The following DPP10 variants were observed in gnomAD, a reference collection of about 807,000 sequenced individuals.
The protein encoded by DPP10 is inactive dipeptidyl peptidase 10.
A neutral mutation model predicts 120.9 loss-of-function variants in DPP10; 33 were observed. The observed-to-expected ratio is 0.27, with a 90% CI of 0.21 to 0.37. The LOEUF (loss-of-function observed/expected upper bound fraction) is 0.37, where lower values mean the gene tolerates loss of function less well. Among genes scored for constraint, DPP10 ranks in the 10% least tolerant of loss-of-function variants. The pLI is 1.00. For synonymous variants in DPP10, 337 were observed against 326.1 expected (o/e 1.03, Z -0.36); for missense variants, 816 against 942.8 (o/e 0.87, Z 1.76).
At chr2:115,321,013 T>G (rs192768785) in intron 2 of DPP10, among the ~76,000 whole-genome samples, 9 of 152,248 alleles carry the variant, frequency 5.9e-5, no homozygotes, top group Non-Finnish European at 8.8e-5. Context: ...GAAAGCTCTG[T>G]TCTTGGCTGG....
chr2:114,781,472 A>G (rs1046483871), intron 1 of DPP10, among the ~76,000 whole-genome samples: 1 of 152,030 alleles, frequency 6.6e-6, no homozygotes, highest in African/African-American at 2.4e-5. Context: ...AGAGGGGCAC[A>G]GATAGATCCA....
intron 23 of DPP10, 23 bp downstream of exon 23, chr2:115,836,588 A>C: frequency 6.2e-7 from 1 of 1,612,072 alleles, no homozygotes; most frequent in Admixed American, 1.7e-5. Flanking sequence ...AAAATAACAA[A>C]GAAAGAGGAG....
chr2:114,940,332 G>A (rs761106022), intron 1 of DPP10, among the ~76,000 whole-genome samples: 2 of 152,032 alleles, frequency 1.3e-5, no homozygotes, highest in African/African-American at 2.4e-5. Flanking sequence ...GTTATGTTCC[G>A]ATTGCTACAG....
chr2:114,739,595 G>A (rs770137692), intron 1 of DPP10, among the ~76,000 whole-genome samples: 9 of 152,094 alleles, frequency 5.9e-5, no homozygotes, highest in Non-Finnish European at 1.3e-4. Flanking sequence ...GGAGGTAGAG[G>A]TTGCAGTGAG....
intron 1 of DPP10, among the ~76,000 whole-genome samples, chr2:114,709,057 C>T (rs553199744): frequency 3.9e-4 from 60 of 152,210 alleles, no homozygotes; most frequent in Admixed American, 6.5e-4. Context: ...CGCCCAGCCC[C>T]ATTGCTTACT....
At chr2:114,899,853 G>T (rs992833170) in intron 1 of DPP10, among the ~76,000 whole-genome samples, 4 of 152,086 alleles carry the variant, frequency 2.6e-5, no homozygotes, top group Admixed American at 1.3e-4. Flanking sequence ...CCAGCTACTC[G>T]GGAGGCTGAG....
intron 1 of DPP10, among the ~76,000 whole-genome samples, chr2:114,700,770 A>G (rs1054635452): frequency 1.3e-5 from 2 of 152,068 alleles, no homozygotes; most frequent in Admixed American, 6.6e-5. Context: ...CTTTTGTACC[A>G]TAAACGTCCC....
intron 1 of DPP10, among the ~76,000 whole-genome samples, chr2:114,518,103 G>A (rs543758614): frequency 1.0e-4 from 12 of 115,534 alleles, no homozygotes; most frequent in African/African-American, 3.7e-4. Flanking sequence ...TTTTTAGATA[G>A]AGTCCTGCTC....
At chr2:115,450,463 T>C (rs1427158103) in intron 3 of DPP10, among the ~76,000 whole-genome samples, 1 of 151,916 alleles carries the variant, frequency 6.6e-6, no homozygotes, top group Non-Finnish European at 1.5e-5. Context: ...TCAACTGAGA[T>C]TTTTTTATTG....
At chr2:114,912,762 A>G (rs1694466864) in intron 1 of DPP10, among the ~76,000 whole-genome samples, 1 of 152,216 alleles carries the variant, frequency 6.6e-6, no homozygotes, top group African/African-American at 2.4e-5. Context: ...GCCCCCTCTC[A>G]TCACAGACCT....
chr2:115,336,186 A>G (rs1055553089), intron 2 of DPP10, among the ~76,000 whole-genome samples: 1 of 151,988 alleles, frequency 6.6e-6, no homozygotes, highest in Non-Finnish European at 1.5e-5. Flanking sequence ...AACTCATTTC[A>G]AAGGCCATTT....
chr2:114,938,462 C>G lies in DPP10; in HGVS notation c.61-370777C>G, dbSNP rs1696647456. 2.0e-5 allele frequency among the ~76,000 whole-genome samples: 3 copies of G among 152,128 alleles called. No homozygotes were observed. In the South Asian group the frequency reaches 6.2e-4, roughly 32 times the overall value. On this transcript the variant is annotated intron_variant, in intron 1 of 25. Coordinates refer to ENST00000410059, the MANE Select transcript of DPP10 (RefSeq NM_020868.6). ...AACATACAACTCTTTGTCAAGTAACCAGAAGTGGATTACTGAGTTAATAGA... is the reference window on the plus strand; with the variant it reads ...AACATACAACTCTTTGTCAAGTAACGAGAAGTGGATTACTGAGTTAATAGA...
intron 1 of DPP10, among the ~76,000 whole-genome samples, chr2:115,273,855 G>A (rs72839290): frequency 0.016 from 2,369 of 152,216 alleles, 36 homozygotes; most frequent in Non-Finnish European, 0.024. Context: ...AACTGTTTTG[G>A]GTAGAACGCT....
rs566474229 is a variant in DPP10 at position 115,754,630 on chromosome 2, G to A, written c.1074+1333G>A. 2.6e-5 allele frequency among the ~76,000 whole-genome samples: 4 copies of A among 152,130 alleles called. No individual in the cohort carries two copies. In the South Asian group the frequency reaches 8.3e-4, roughly 32 times the overall value. On this transcript the variant is annotated intron_variant, in intron 11 of 25. Coordinates refer to ENST00000410059, the MANE Select transcript of DPP10 (RefSeq NM_020868.6). ...CTAGGACAAAGTGTACATTTTTAAA[G>A]GGGAAATTACAATTGATAAAGACTA...
chr2:114,703,859 CTGTT>C (rs1700528164), intron 1 of DPP10, among the ~76,000 whole-genome samples: 2 of 152,086 alleles, frequency 1.3e-5, no homozygotes, highest in South Asian at 2.1e-4. Context: ...CTCAAACACA[CTGTT>C]TGGGCTGTAA....
At chr2:115,511,511 G>T (rs1575059229) in intron 4 of DPP10, among the ~76,000 whole-genome samples, 1 of 151,666 alleles carries the variant, frequency 6.6e-6, no homozygotes, top group Admixed American at 6.6e-5. Context: ...TTTCAAGGAA[G>T]AAACTCTCAG....
At chr2:115,376,708 C>A (rs187666366) in intron 3 of DPP10, among the ~76,000 whole-genome samples, 2 of 128,378 alleles carry the variant, frequency 1.6e-5, no homozygotes, top group Non-Finnish European at 3.2e-5. Flanking sequence ...CCCCTCCCCC[C>A]ACCCCACAAC....
intron 1 of DPP10, among the ~76,000 whole-genome samples, chr2:114,897,809 C>T (rs958376511): frequency 6.6e-6 from 1 of 152,142 alleles, no homozygotes; most frequent in Admixed American, 6.5e-5. Context: ...TATCATCTCA[C>T]ACCAGTTAGA....
At chr2:115,360,583 T>A (rs988717061) in intron 3 of DPP10, among the ~76,000 whole-genome samples, 2 of 152,094 alleles carry the variant, frequency 1.3e-5, no homozygotes, top group South Asian at 4.1e-4. Context: ...TTGGAGGAGT[T>A]GGGGGGAATC....
Sources: allele counts gnomAD v4.1 joint callset (sites outside exome capture counted in the v4.1 genomes callset), GRCh38; gene constraint gnomAD v4.1.1; transcripts MANE v1.5; gene names NCBI Gene and HGNC (gene_info 2026-07-23, HGNC 2026-07-21).